The following HNMT variants were observed in gnomAD, a reference collection of about 807,000 sequenced individuals.
HNMT encodes histamine N-methyltransferase.
Under a neutral mutation model 32.1 loss-of-function variants are expected in HNMT, and 30 were observed. The ratio of observed to expected loss-of-function variants is 0.93; its 90% CI spans 0.70 to 1.27. HNMT has a LOEUF of 1.27. Ranked by LOEUF, HNMT falls within the 50% of genes most tolerant of loss-of-function variation. HNMT has a pLI of 0.00. For missense variants in HNMT, 327 were observed against 346.0 expected, an observed-to-expected ratio of 0.95 and a Z score of 0.43; for synonymous variants, 125 against 119.0, an observed-to-expected ratio of 1.05 and a Z score of -0.33.
chr2:137,964,537 G>A lies in HNMT; in HGVS notation c.46G>A (p.Val16Ile), dbSNP rs551893283. 2 of 1,613,442 alleles carry A rather than the reference G, an allele frequency of 1.2e-6. No individual in the cohort carries two copies. Among genetic ancestry groups the A allele is most frequent in the East Asian group, 2.2e-5 (1 of 44,858 alleles). The change falls in exon 1 of 6, where the codon GTT becomes ATT. Residue 16 changes from valine to isoleucine, a missense_variant. Val to Ile is a conservative substitution (Grantham distance 29, BLOSUM62 3). Coordinates refer to ENST00000280097, the MANE Select transcript of HNMT (RefSeq NM_006895.3). Reference sequence around the variant, plus strand: ...CTTGTTTTCTGACCACGGGAAATATGTTGAATCTTTCCGGAGGTTTCTCAA... The same window carrying A: ...CTTGTTTTCTGACCACGGGAAATATATTGAATCTTTCCGGAGGTTTCTCAA... The part of the protein sequence containing the change: ...RSLFSDHGKY[V>I]ESFRRFLNHS...
chr2:138,006,530 A>G (rs1456879648), intron 5 of HNMT, among the ~76,000 whole-genome samples: 1 of 152,030 alleles, frequency 6.6e-6, no homozygotes, highest in Non-Finnish European at 1.5e-5. Context: ...TATTACCAAT[A>G]AGACAAAGCC....
At chr2:138,010,441 G>GCGCACACA (rs754762389) in intron 5 of HNMT, among the ~76,000 whole-genome samples, 1 of 125,586 alleles carries the variant, frequency 8.0e-6, no homozygotes, top group Admixed American at 8.4e-5. Flanking sequence ...AAAGACACAC[G>GCGCACACA]CACACACACA....
intron 3 of HNMT, among the ~76,000 whole-genome samples, chr2:138,001,693 T>C (rs78207587): frequency 0.011 from 1,640 of 152,216 alleles, 27 homozygotes; most frequent in African/African-American, 0.037. Context: ...CAAAAATAAG[T>C]AGCAGGCTAG....
intron 2 of HNMT, among the ~76,000 whole-genome samples, chr2:137,995,013 A>T (rs930351716): frequency 6.6e-6 from 1 of 152,168 alleles, no homozygotes; most frequent in African/African-American, 2.4e-5. Context: ...ACACAACTAA[A>T]GCAGTGTTAA....
chr2:138,010,061 C>G (rs1681447678), intron 5 of HNMT, among the ~76,000 whole-genome samples: 1 of 151,792 alleles, frequency 6.6e-6, no homozygotes, highest in African/African-American at 2.4e-5. Flanking sequence ...TCATAATTAC[C>G]TAAAAGGGAA....
rs549612057 is a variant in HNMT at position 138,014,151 on chromosome 2, T to C, written c.*21T>C. ...CATAACTATCAATCACAAAAGTATA[T>C]TCAAAAATTATATTTTGAACAACTC... On this transcript the variant is annotated 3_prime_UTR_variant, in exon 6 of 6. Transcript: ENST00000280097. The C allele has an allele frequency of 4.4e-5, 60 of 1,378,088 alleles. 1 individual carries two copies. In the South Asian group the frequency reaches 7.7e-4, roughly 18 times the overall value. 85.4% of individuals were successfully genotyped at this position (1,378,088 alleles called of 1,614,324 possible). A position where few individuals can be genotyped will look rare whatever the true frequency, so the allele number is the denominator to read the frequency against.
At chr2:137,973,162 A>G (rs1680185005) in intron 2 of HNMT, among the ~76,000 whole-genome samples, 1 of 152,152 alleles carries the variant, frequency 6.6e-6, no homozygotes, top group East Asian at 1.9e-4. Context: ...CTACCCAACT[A>G]AGTTATATGA....
At chr2:137,985,646 T>A (rs962028676) in intron 2 of HNMT, among the ~76,000 whole-genome samples, 2 of 152,174 alleles carry the variant, frequency 1.3e-5, no homozygotes, top group Non-Finnish European at 2.9e-5. Context: ...CAATAAAAAT[T>A]TCATTTTGTA....
chr2:137,992,796 T>C (rs992306205), intron 2 of HNMT, among the ~76,000 whole-genome samples: 2 of 152,166 alleles, frequency 1.3e-5, no homozygotes, highest in African/African-American at 4.8e-5. Context: ...ATCAGGCTGG[T>C]GCCCCTCAAG....
chr2:138,001,913 T>C, intron 3 of HNMT, 151 bp from the exon 4 acceptor site: 2 of 483,076 alleles, frequency 4.1e-6, no homozygotes. Context: ...AAAAAAGCAG[T>C]ATGAACTCTC....
intron 2 of HNMT, among the ~76,000 whole-genome samples, chr2:137,999,789 CAATAAA>C (rs1681104931): frequency 6.6e-6 from 1 of 151,988 alleles, no homozygotes; most frequent in South Asian, 2.1e-4. Flanking sequence ...CTCAAGATAA[CAATAAA>C]AATAATGAAC....
chr2:138,003,285 C>T (rs3113223), intron 4 of HNMT, among the ~76,000 whole-genome samples: 111 of 152,102 alleles, frequency 7.3e-4, no homozygotes, highest in African/African-American at 2.4e-3. Context: ...TAGCATGGGG[C>T]TGGATTTCCA....
chr2:137,993,085 G>A (rs528665556), intron 2 of HNMT, among the ~76,000 whole-genome samples: 22 of 152,064 alleles, frequency 1.4e-4, no homozygotes, highest in Non-Finnish European at 2.6e-4. Context: ...ACAAACTCAC[G>A]AAGTCAAGAA....
rs972027877 is a variant in HNMT at position 138,016,283 on chromosome 2, C to T, written c.*2153C>T. On this transcript the variant is annotated 3_prime_UTR_variant, in exon 6 of 6. Coordinates refer to ENST00000280097, the MANE Select transcript of HNMT (RefSeq NM_006895.3). ...TTCCTTCTCAAACATTTATCTTATACCTTGTGTGTTCATATTATTATTATA... is the reference window on the plus strand; with the variant it reads ...TTCCTTCTCAAACATTTATCTTATATCTTGTGTGTTCATATTATTATTATA... 4 of 152,072 alleles carry T rather than the reference C, an allele frequency of 2.6e-5. No homozygotes were observed. The allele number at this position is 152,072 out of a possible 1,614,324, so 9.4% of individuals were successfully genotyped here.
intron 2 of HNMT, among the ~76,000 whole-genome samples, chr2:137,994,683 A>G (rs1303415518): frequency 6.6e-6 from 1 of 152,246 alleles, no homozygotes; most frequent in African/African-American, 2.4e-5. Context: ...GTAGACATCT[A>G]CAAACCTCTG....
intron 2 of HNMT, chr2:137,981,242 G>C (rs1680487017): frequency 6.2e-7 from 1 of 1,613,442 alleles, no homozygotes; most frequent in Non-Finnish European, 8.5e-7. Context: ...AAGCTCCAGG[G>C]TTCTCAAGCG....
rs1681600630 is a variant in HNMT, at chr2:138,014,333, G to C, written c.*203G>C. The stretch of plus-strand genomic sequence containing the variant: ...CTGGTCTTATCCTGTCCCTCCTCCA[G>C]GTAGAGAGACCACAAGCAGGCTCAA... On this transcript the variant is annotated 3_prime_UTR_variant, in exon 6 of 6. Coordinates refer to ENST00000280097, the MANE Select transcript of HNMT (RefSeq NM_006895.3). The C allele has an allele frequency of 2.2e-6, 1 of 449,882 alleles. No individual in the cohort carries two copies. The highest frequency in any genetic ancestry group is 3.9e-6 in the Non-Finnish European group (1 of 254,164). 27.9% of individuals were successfully genotyped at this position (449,882 alleles called of 1,614,324 possible).
intron 1 of HNMT, among the ~76,000 whole-genome samples, chr2:137,968,291 A>C (rs1006162748): frequency 2.6e-5 from 4 of 152,212 alleles, no homozygotes; most frequent in Non-Finnish European, 5.9e-5. Flanking sequence ...ATTTGATGTC[A>C]TTATAATATG....
intron 2 of HNMT, among the ~76,000 whole-genome samples, chr2:137,984,207 G>A (rs527623382): frequency 1.3e-5 from 2 of 152,164 alleles, no homozygotes; most frequent in East Asian, 3.9e-4. Context: ...AATTTCTTTG[G>A]ATTATGCATT....
Sources: allele counts gnomAD v4.1 joint callset (sites outside exome capture counted in the v4.1 genomes callset), GRCh38; gene constraint gnomAD v4.1.1; transcripts MANE v1.5; gene names NCBI Gene and HGNC (gene_info 2026-07-23, HGNC 2026-07-21).